Variants in TMBIM4 observed in about 807,000 individuals in gnomAD.
TMBIM4 encodes the protein protein lifeguard 4.
TMBIM4 carries 28 observed loss-of-function variants against 27.7 expected under a neutral mutation model. That is an observed-to-expected ratio of 1.01 (90% CI 0.75 to 1.38). The LOEUF is 1.38. Ranked by LOEUF, TMBIM4 falls within the 40% of genes most tolerant of loss-of-function variation. TMBIM4 has a pLI of 0.00. For missense variants in TMBIM4, 265 were observed against 277.5 expected (o/e 0.95, Z 0.32); for synonymous variants, 115 against 113.1 (o/e 1.02, Z -0.11).
intron 5 of TMBIM4, among the ~76,000 whole-genome samples, chr12:66,143,236 G>A (rs998810873): frequency 6.6e-6 from 1 of 152,126 alleles, no homozygotes; most frequent in Non-Finnish European, 1.5e-5. Flanking sequence ...GCATCAAAGA[G>A]AGCAAATTTT....
chr12:66,166,008 TATGTTTTTATCTAA>T (rs1250039512), intron 1 of TMBIM4, among the ~76,000 whole-genome samples: 4 of 152,366 alleles, frequency 2.6e-5, no homozygotes, highest in African/African-American at 7.2e-5. Flanking sequence ...AATGTCCTCC[TATGTTTTTATCTAA>T]GAGTTTTATA....
At chr12:66,169,799 A>G in intron 1 of TMBIM4, 56 bp downstream of exon 1, 1 of 1,356,210 alleles carries the variant, frequency 7.4e-7, no homozygotes. Context: ...GTCGGCTTCT[A>G]GAGGCCGAGC....
intron 3 of TMBIM4, among the ~76,000 whole-genome samples, chr12:66,148,865 A>T (rs2051794153): frequency 6.6e-6 from 1 of 152,190 alleles, no homozygotes; most frequent in Non-Finnish European, 1.5e-5. Flanking sequence ...CCCCTTAATT[A>T]CAGTATCTTT....
chr12:66,139,696 C>T, intron 5 of TMBIM4: 1 of 456,034 alleles, frequency 2.2e-6, no homozygotes, highest in Non-Finnish European at 4.4e-6. Context: ...AGTGAGCACT[C>T]TGGTGTATGC....
In TMBIM4 at chr12:66,136,087, A is replaced by AAAAG. The variant is rs1555198007; in HGVS notation, c.*1872_*1873insCTTT. On this transcript the variant is annotated 3_prime_UTR_variant, in exon 7 of 7. Transcript: ENST00000358230. The stretch of plus-strand genomic sequence containing the variant: ...AAAATAAATTAAAAAAAAAAAAAAA[A>AAAAG]AAAAAAAAAGAAAATGGTATTAATA... 2.7e-5 allele frequency: 1 copy of AAAAG among 36,710 alleles called. No homozygotes were observed. 2.3% of individuals were successfully genotyped at this position (36,710 alleles called of 1,614,324 possible). A position where few individuals can be genotyped will look rare whatever the true frequency, so the allele number is the denominator to read the frequency against.
chr12:66,152,337 A>G lies in TMBIM4; in HGVS notation c.246T>C (p.Gly82=). Residue 82 remains glycine (G), a synonymous_variant, in exon 3 of 7, where the codon GGT becomes GGC. Coordinates refer to ENST00000358230, the MANE Select transcript of TMBIM4 (RefSeq NM_016056.4). The stretch of plus-strand genomic sequence containing the variant: ...TGTTTAAAATCAACGCAAAAATCAA[A>G]CCCAGAGATCCGAGGGCAAACAGCA... ...LILLFALGSL[G]LIFALILNRH... 6.2e-7 allele frequency: 1 copy of G among 1,610,530 alleles called. No homozygotes were observed. Among genetic ancestry groups the G allele is most frequent in the African/African-American group, 1.3e-5 (1 of 74,970 alleles).
At chr12:66,141,556 A>G (rs1565781515) in intron 5 of TMBIM4, among the ~76,000 whole-genome samples, 3 of 152,096 alleles carry the variant, frequency 2.0e-5, no homozygotes, top group Non-Finnish European at 4.4e-5. Context: ...TTTAAAAACC[A>G]AGATCCAACT....
intron 4 of TMBIM4, among the ~76,000 whole-genome samples, chr12:66,146,918 A>G (rs1392988086): frequency 6.6e-6 from 1 of 152,178 alleles, no homozygotes; most frequent in Non-Finnish European, 1.5e-5. Context: ...ATTACTGAGG[A>G]AAATAATGTT....
At chr12:66,164,386 C>T (rs1348481418) in intron 1 of TMBIM4, among the ~76,000 whole-genome samples, 1 of 152,044 alleles carries the variant, frequency 6.6e-6, no homozygotes, top group Non-Finnish European at 1.5e-5. Flanking sequence ...GGCTTATATA[C>T]CAGAGGGAAA....
At position 66,169,988 on chromosome 12, in the gene TMBIM4, A is replaced by G; in HGVS notation, c.-37T>C. The G allele has an allele frequency of 1.4e-6, 2 of 1,405,004 alleles. No homozygotes were observed. The highest frequency in any genetic ancestry group is 1.9e-6 in the Non-Finnish European group (2 of 1,055,012). The allele number at this position is 1,405,004 out of a possible 1,614,324, so 87.0% of individuals were successfully genotyped here. A position where few individuals can be genotyped will look rare whatever the true frequency, so the allele number is the denominator to read the frequency against. On this transcript the variant is annotated 5_prime_UTR_variant, in exon 1 of 7. Coordinates refer to ENST00000358230, the MANE Select transcript of TMBIM4 (RefSeq NM_016056.4). ...CACCCCTACCGGTCCCGGTCCACTAACCGCAACCGCCTCCTCCCCACTTCC... is the reference window on the plus strand; with the variant it reads ...CACCCCTACCGGTCCCGGTCCACTAGCCGCAACCGCCTCCTCCCCACTTCC...
rs59771071 is a variant in TMBIM4, at chr12:66,136,096, A to AAAAAAAAT, written c.*1863_*1864insATTTTTTT. On this transcript the variant is annotated 3_prime_UTR_variant, in exon 7 of 7. Coordinates refer to ENST00000358230, the MANE Select transcript of TMBIM4 (RefSeq NM_016056.4). ...TAAAAAAAAAAAAAAAAAAAAAAAA[A>AAAAAAAAT]GAAAATGGTATTAATACCATCAGCT... 2.7e-5 allele frequency: 1 copy of AAAAAAAAT among 37,310 alleles called. No individual in the cohort carries two copies. Among genetic ancestry groups the AAAAAAAAT allele is most frequent in the African/African-American group, 2.2e-4 (1 of 4,454 alleles). 2.3% of individuals were successfully genotyped at this position (37,310 alleles called of 1,614,324 possible).
intron 4 of TMBIM4, among the ~76,000 whole-genome samples, chr12:66,147,555 C>T (rs1422551243): frequency 6.6e-6 from 1 of 152,208 alleles, no homozygotes; most frequent in Non-Finnish European, 1.5e-5. Flanking sequence ...GAGTTAAGCT[C>T]ATACATATGA....
At chr12:66,140,732 A>C (rs2051654988) in intron 5 of TMBIM4, among the ~76,000 whole-genome samples, 1 of 152,160 alleles carries the variant, frequency 6.6e-6, no homozygotes, top group Non-Finnish European at 1.5e-5. Flanking sequence ...CCCATCTCTT[A>C]AACAATTTTT....
chr12:66,149,887 TAC>T (rs10587672), intron 3 of TMBIM4, among the ~76,000 whole-genome samples: 77,100 of 150,986 alleles, frequency 0.51, 20,976 homozygotes, highest in East Asian at 0.85. Flanking sequence ...TGTGCATGCA[TAC>T]ACACACACAC....
chr12:66,161,828 G>A (rs548481292), intron 1 of TMBIM4, among the ~76,000 whole-genome samples: 1 of 152,276 alleles, frequency 6.6e-6, no homozygotes, highest in Admixed American at 6.5e-5. Context: ...GCTCATGCCT[G>A]TAATCACAGC....
At chr12:66,169,627 TG>T in intron 1 of TMBIM4, 1 of 458,932 alleles carries the variant, frequency 2.2e-6, no homozygotes, top group Non-Finnish European at 3.8e-6. Flanking sequence ...GCAAGCCTTC[TG>T]GGCCTGGCGC....
At chr12:66,165,440 C>T (rs2052110184) in intron 1 of TMBIM4, among the ~76,000 whole-genome samples, 2 of 136,462 alleles carry the variant, frequency 1.5e-5, no homozygotes, top group Non-Finnish European at 3.1e-5. Context: ...TTTTTTCAGA[C>T]ACGGTCTCCC....
chr12:66,144,545 A>G (rs1046159080), intron 5 of TMBIM4, among the ~76,000 whole-genome samples: 2 of 152,138 alleles, frequency 1.3e-5, no homozygotes, highest in South Asian at 4.1e-4. Flanking sequence ...GCTGATTTGT[A>G]GTCTAACTGA....
At chr12:66,160,176 T>G (rs1046245054) in intron 1 of TMBIM4, 4 of 703,146 alleles carry the variant, frequency 5.7e-6, no homozygotes, top group Non-Finnish European at 1.0e-5. Flanking sequence ...TGGCCCTTTG[T>G]AGAAAATGTT....
Sources: allele counts gnomAD v4.1 joint callset (sites outside exome capture counted in the v4.1 genomes callset), GRCh38; gene constraint gnomAD v4.1.1; transcripts MANE v1.5; gene names NCBI Gene and HGNC (gene_info 2026-07-23, HGNC 2026-07-21).